The following UGT2B4 variants were observed in gnomAD, a reference collection of about 807,000 sequenced individuals.
UGT2B4 encodes the protein UDP-glucuronosyltransferase 2B4.
In UGT2B4, 49 loss-of-function variants were observed where a neutral mutation model predicts 49.8. The observed-to-expected ratio is 0.98, with a 90% confidence interval of 0.78 to 1.25. UGT2B4 has a LOEUF of 1.25. UGT2B4 is among the 50% of genes most tolerant of loss of function. The pLI, the probability that UGT2B4 is intolerant of heterozygous loss-of-function variation, is 0.00. For missense variants in UGT2B4, 729 were observed against 627.7 expected (o/e 1.16, Z -1.73); for synonymous variants, 246 against 217.7 (o/e 1.13, Z -1.14).
chr4:69,524,922 T>C (rs1159017194), intron 1 of UGT2B4, among the ~76,000 whole-genome samples: 1 of 152,142 alleles, frequency 6.6e-6, no homozygotes, highest in Non-Finnish European at 1.5e-5. Flanking sequence ...AGGCAGAGTG[T>C]GGCTAACGGA....
upstream of UGT2B4, among the ~76,000 whole-genome samples, chr4:69,500,576 A>C (rs199943523): frequency 6.7e-6 from 1 of 149,506 alleles, no homozygotes; most frequent in Non-Finnish European, 1.5e-5. Flanking sequence ...AAAGAAAGCA[A>C]GAAAGCAAGA....
At chr4:69,523,651 G>A (rs1353859798) in intron 1 of UGT2B4, among the ~76,000 whole-genome samples, 2 of 152,032 alleles carry the variant, frequency 1.3e-5, no homozygotes, top group African/African-American at 4.8e-5. Context: ...AATAAACATT[G>A]TCTTCAACTT....
chr4:69,520,585 G>A (rs901932263), intron 1 of UGT2B4, among the ~76,000 whole-genome samples: 2 of 152,228 alleles, frequency 1.3e-5, no homozygotes, highest in Admixed American at 1.3e-4. Context: ...AACCCAGTCT[G>A]GGGTAGAGCA....
At chr4:69,514,776 T>C (rs941025243) in intron 1 of UGT2B4, among the ~76,000 whole-genome samples, 1 of 152,202 alleles carries the variant, frequency 6.6e-6, no homozygotes, top group Non-Finnish European at 1.5e-5. Context: ...TTTGCATATG[T>C]TGAACCACCC....
chr4:69,482,892 A>T (rs1295026055), intron 5 of UGT2B4, among the ~76,000 whole-genome samples: 1 of 151,726 alleles, frequency 6.6e-6, no homozygotes, highest in African/African-American at 2.4e-5. Flanking sequence ...TTAATGTAGC[A>T]GTTGTTGGTT....
intron 4 of UGT2B4, among the ~76,000 whole-genome samples, chr4:69,485,959 C>T (rs1727768935): frequency 6.6e-6 from 1 of 152,042 alleles, no homozygotes. Context: ...CAGAGTTTCA[C>T]CATGTTGCCC....
chr4:69,503,539 G>A (rs1425832616), intron 1 of UGT2B4, among the ~76,000 whole-genome samples: 2 of 152,158 alleles, frequency 1.3e-5, no homozygotes, highest in Admixed American at 6.5e-5. Flanking sequence ...CTTTGCAGAT[G>A]TAGCCTTGGC....
intron 1 of UGT2B4, among the ~76,000 whole-genome samples, chr4:69,514,406 G>A (rs1447887438): frequency 2.0e-5 from 3 of 152,100 alleles, no homozygotes; most frequent in African/African-American, 4.8e-5. Context: ...ATTATGTCAT[G>A]TGCAAATATG....
chr4:69,496,033 G>T, upstream of UGT2B4: 1 of 1,135,374 alleles, frequency 8.8e-7, no homozygotes, highest in Non-Finnish European at 1.2e-6. Flanking sequence ...ATAAAAGGTA[G>T]ATGACCTGTT....
At chr4:69,512,175 C>G (rs1028613548) in intron 1 of UGT2B4, among the ~76,000 whole-genome samples, 2 of 149,702 alleles carry the variant, frequency 1.3e-5, no homozygotes, top group Non-Finnish European at 3.0e-5. Flanking sequence ...TCTTTTTTTT[C>G]TGCCAACGTT....
At chr4:69,515,203 AT>A (rs1728700499) in intron 1 of UGT2B4, among the ~76,000 whole-genome samples, 1 of 152,212 alleles carries the variant, frequency 6.6e-6, no homozygotes, top group Admixed American at 6.5e-5. Flanking sequence ...CTTTACCCAA[AT>A]TTAACAGAAT....
chr4:69,481,154 A>T (rs746426643), intron 5 of UGT2B4, among the ~76,000 whole-genome samples: 1 of 147,916 alleles, frequency 6.8e-6, no homozygotes, highest in East Asian at 2.1e-4. Flanking sequence ...CTGTAGTCCC[A>T]GCTACTTGAG....
chr4:69,480,482 G>C lies in UGT2B4; in HGVS notation c.*152C>G. The C allele has an allele frequency of 8.5e-7, 1 of 1,173,748 alleles. No homozygotes were observed. The highest frequency in any genetic ancestry group is 1.7e-5 in the South Asian group (1 of 59,802). 72.7% of individuals were successfully genotyped at this position (1,173,748 alleles called of 1,614,324 possible). A position where few individuals can be genotyped will look rare whatever the true frequency, so the allele number is the denominator to read the frequency against. ...ATGAAATATTTCTAATGGTTAAACAGGTACTAAAACAAATTTTGACTTGAC... is the reference window on the plus strand; with the variant it reads ...ATGAAATATTTCTAATGGTTAAACACGTACTAAAACAAATTTTGACTTGAC... On this transcript the variant is annotated 3_prime_UTR_variant, in exon 6 of 6. Transcript: ENST00000305107.
intron 4 of UGT2B4, 146 bp from the exon 5 acceptor site, chr4:69,485,573 T>C: frequency 9.0e-7 from 1 of 1,107,480 alleles, no homozygotes; most frequent in Non-Finnish European, 1.3e-6. Flanking sequence ...AAGGAACGCC[T>C]ACTTCTGCTG....
At chr4:69,507,069 A>G (rs1421637188) in intron 1 of UGT2B4, among the ~76,000 whole-genome samples, 1 of 152,206 alleles carries the variant, frequency 6.6e-6, no homozygotes, top group Non-Finnish European at 1.5e-5. Context: ...TTGAAGGAAC[A>G]TACCTCAAAA....
intron 1 of UGT2B4, among the ~76,000 whole-genome samples, chr4:69,509,937 G>A (rs1331904534): frequency 3.9e-5 from 6 of 152,050 alleles, no homozygotes; most frequent in Non-Finnish European, 8.8e-5. Flanking sequence ...CCAGACCAAT[G>A]TTATGAAGCT....
intron 1 of UGT2B4, among the ~76,000 whole-genome samples, chr4:69,501,043 A>C (rs1234634199): frequency 6.6e-6 from 1 of 152,132 alleles, no homozygotes; most frequent in Non-Finnish European, 1.5e-5. Context: ...GGCCACCTGC[A>C]AGCGCCACCC....
chr4:69,487,624 G>A (rs140485992), intron 3 of UGT2B4, among the ~76,000 whole-genome samples: 218 of 152,032 alleles, frequency 1.4e-3, no homozygotes, highest in African/African-American at 4.8e-3. Context: ...GAAAGGATCA[G>A]GAAAAATAAC....
At chr4:69,500,606 G>GAATA (rs1728282840), upstream of UGT2B4, among the ~76,000 whole-genome samples, 1 of 99,510 alleles carries the variant, frequency 1.0e-5, no homozygotes, top group African/African-American at 4.3e-5. Context: ...AGAAAGCAAG[G>GAATA]AAGAAAGAAA....
Sources: gnomAD v4.1 joint callset for allele counts (sites outside exome capture counted in the v4.1 genomes callset) on GRCh38, gnomAD v4.1.1 for gene constraint, MANE v1.5 for transcripts, NCBI Gene and HGNC (gene_info 2026-07-23, HGNC 2026-07-21) for gene names.